MCF2L2: variants seen among roughly 807,000 people sequenced by gnomAD.
MCF2L2 encodes probable guanine nucleotide exchange factor MCF2L2.
MCF2L2 carries 102 observed loss-of-function variants against 150.2 expected under a neutral mutation model. That is an observed-to-expected ratio of 0.68 (90% CI 0.58 to 0.80). MCF2L2 has a LOEUF of 0.80. MCF2L2 is among the 30% of genes least tolerant of loss of function. The probability of loss-of-function intolerance (pLI) is 0.00; values close to 1 mark genes in which losing one functional copy is unlikely to be tolerated. For missense variants in MCF2L2, 1,256 were observed against 1,372.8 expected, an observed-to-expected ratio of 0.91 and a Z score of 1.34; for synonymous variants, 465 against 491.3, an observed-to-expected ratio of 0.95 and a Z score of 0.71.
chr3:183,323,413 C>G (rs28513326), intron 5 of MCF2L2, 62 bp from the exon 6 acceptor site: 165,828 of 765,506 alleles, frequency 0.22, 20,862 homozygotes, highest in African/African-American at 0.51. Flanking sequence ...AGCTCATTTA[C>G]ATTCTATTCT....
At chr3:183,387,149 A>C (rs1713877498) in intron 2 of MCF2L2, among the ~76,000 whole-genome samples, 1 of 151,854 alleles carries the variant, frequency 6.6e-6, no homozygotes, top group Non-Finnish European at 1.5e-5. Context: ...CTGTAGTCTC[A>C]GTTAACTCAG....
intron 5 of MCF2L2, among the ~76,000 whole-genome samples, chr3:183,330,971 C>T (rs1730250296): frequency 1.3e-5 from 2 of 151,988 alleles, no homozygotes; most frequent in African/African-American, 2.4e-5. Flanking sequence ...AAGAGACTGC[C>T]CCGCCACCCC....
At chr3:183,394,324 C>G (rs947890716) in intron 1 of MCF2L2, among the ~76,000 whole-genome samples, 1 of 152,236 alleles carries the variant, frequency 6.6e-6, no homozygotes, top group Admixed American at 6.5e-5. Context: ...TTGCACGTCA[C>G]AGATTAACTG....
At chr3:183,412,395 A>G (rs1052121979) in intron 1 of MCF2L2, among the ~76,000 whole-genome samples, 6 of 152,158 alleles carry the variant, frequency 3.9e-5, no homozygotes, top group Admixed American at 1.3e-4. Context: ...CCCAGGTTAA[A>G]GCAATTCTCC....
intron 15 of MCF2L2, chr3:183,269,900 A>T (rs1459226733): frequency 3.7e-6 from 6 of 1,613,916 alleles, no homozygotes; most frequent in Non-Finnish European, 5.1e-6. Context: ...TTTGGGAACC[A>T]ATCGATAATC....
chr3:183,344,191 T>C (rs377193624), intron 3 of MCF2L2, among the ~76,000 whole-genome samples: 1 of 152,052 alleles, frequency 6.6e-6, no homozygotes, highest in Non-Finnish European at 1.5e-5. Context: ...AATTAAACTA[T>C]ACTATTTATA....
At chr3:183,202,523 G>T (rs1722325229) in intron 25 of MCF2L2, among the ~76,000 whole-genome samples, 1 of 152,208 alleles carries the variant, frequency 6.6e-6, no homozygotes, top group Non-Finnish European at 1.5e-5. Context: ...GAAAGTGAAA[G>T]CTAGGCTAGA....
intron 5 of MCF2L2, among the ~76,000 whole-genome samples, chr3:183,332,971 G>A (rs1730328957): frequency 1.3e-5 from 2 of 152,156 alleles, no homozygotes; most frequent in Non-Finnish European, 2.9e-5. Context: ...AAAGGAGAGA[G>A]AAAAATGAGA....
At chr3:183,392,591 T>G (rs1261575775) in intron 1 of MCF2L2, among the ~76,000 whole-genome samples, 1 of 152,210 alleles carries the variant, frequency 6.6e-6, no homozygotes, top group Non-Finnish European at 1.5e-5. Flanking sequence ...AGCCAGGAAG[T>G]GACATGGTTA....
intron 3 of MCF2L2, chr3:183,375,017 T>TA (rs747927147): frequency 2.0e-5 from 3 of 152,236 alleles, no homozygotes; most frequent in Non-Finnish European, 4.4e-5. Context: ...AGCCTAAGGA[T>TA]ACTACAACAA....
rs1442450988 is a variant in MCF2L2, at chr3:183,206,151, G to T, written c.2776C>A (p.Arg926=). ...GSHRKFEIAS[R]NGLEKYILQA... ...AGGATGTATTTCTCAAGTCCATTTC[G>T]ACTGGCAATCTCAAACTTTCTATGG... The change falls in exon 24 of 30, where the codon CGA becomes AGA. Residue 926 remains arginine (R), a synonymous_variant. Transcript: ENST00000328913. 5.6e-6 allele frequency: 9 copies of T among 1,613,994 alleles called. No individual in the cohort carries two copies. The Admixed American group carries it at 1.2e-4, about 21-fold the overall frequency.
intron 1 of MCF2L2, among the ~76,000 whole-genome samples, chr3:183,396,505 A>G (rs1347136120): frequency 6.6e-6 from 1 of 152,230 alleles, no homozygotes; most frequent in Non-Finnish European, 1.5e-5. Flanking sequence ...AAACACAATT[A>G]CATTTTACTT....
intron 10 of MCF2L2, among the ~76,000 whole-genome samples, chr3:183,306,736 T>C (rs964968983): frequency 6.6e-6 from 1 of 152,202 alleles, no homozygotes; most frequent in African/African-American, 2.4e-5. Context: ...CTCTGTGTGT[T>C]TGAAAATTTC....
intron 3 of MCF2L2, among the ~76,000 whole-genome samples, chr3:183,366,601 G>A (rs937841302): frequency 2.7e-4 from 41 of 152,048 alleles, no homozygotes; most frequent in African/African-American, 8.4e-4. Flanking sequence ...AGCCGAGATC[G>A]CACCACTGCA....
intron 15 of MCF2L2, among the ~76,000 whole-genome samples, chr3:183,259,248 C>T (rs138649965): frequency 7.4e-4 from 113 of 152,204 alleles, no homozygotes; most frequent in African/African-American, 1.7e-3. Flanking sequence ...CTTGAGTGAA[C>T]GTTGTTCTTC....
chr3:183,356,147 C>G (rs1237681635), intron 3 of MCF2L2, among the ~76,000 whole-genome samples: 1 of 136,772 alleles, frequency 7.3e-6, no homozygotes, highest in African/African-American at 2.9e-5. Context: ...AAGAGCAGGT[C>G]TTTCTAGAAA....
At chr3:183,379,157 G>C (rs888347737) in intron 3 of MCF2L2, 140 bp downstream of exon 3, 1 of 565,292 alleles carries the variant, frequency 1.8e-6, no homozygotes, top group African/African-American at 2.0e-5. Context: ...TGACTGATGG[G>C]TGACAGAAGC....
chr3:183,402,478 A>G (rs1316172550), intron 1 of MCF2L2, among the ~76,000 whole-genome samples: 3 of 148,610 alleles, frequency 2.0e-5, no homozygotes, highest in African/African-American at 7.4e-5. Flanking sequence ...AAAAAAGAAT[A>G]TAAAAGGCTA....
chr3:183,292,547 G>A (rs936695404), intron 13 of MCF2L2, among the ~76,000 whole-genome samples: 10 of 146,726 alleles, frequency 6.8e-5, no homozygotes, highest in African/African-American at 2.1e-4. Flanking sequence ...TGGTGAATAA[G>A]GGGGTATGTA....
Sources: allele counts gnomAD v4.1 joint callset (sites outside exome capture counted in the v4.1 genomes callset), GRCh38; gene constraint gnomAD v4.1.1; transcripts MANE v1.5; gene names NCBI Gene and HGNC (gene_info 2026-07-23, HGNC 2026-07-21).